The following RHBDF2 variants were observed in gnomAD, a reference collection of about 807,000 sequenced individuals.
The protein encoded by RHBDF2 is inactive rhomboid protein 2.
Under a neutral mutation model 95.2 loss-of-function variants are expected in RHBDF2, and 38 were observed. The observed-to-expected ratio is 0.40, with a 90% CI of 0.31 to 0.52. The LOEUF is 0.52. RHBDF2 is among the 20% of genes least tolerant of loss of function. The probability of loss-of-function intolerance (pLI) is 0.56; values close to 1 mark genes in which losing one functional copy is unlikely to be tolerated. For synonymous variants in RHBDF2, 442 were observed against 462.0 expected (o/e 0.96, Z 0.55); for missense variants, 863 against 1,137.7 (o/e 0.76, Z 3.47).
In RHBDF2 at chr17:76,475,176, C is replaced by T. The variant is rs62085019; in HGVS notation, c.1116-35G>A. ...GACACCTCGGGTCAGCTGAGCCGAG[C>T]TCCTATCCCAACCCCCAGTCCCGGC... On this transcript the variant is annotated intron_variant, in intron 9 of 18. Transcript: ENST00000675367. 2,516 of 1,473,512 alleles carry T rather than the reference C, an allele frequency of 1.7e-3. 2 individuals carry two copies. The highest frequency in any genetic ancestry group is 2.2e-3 in the Non-Finnish European group (2,367 of 1,073,526). The allele number at this position is 1,473,512 out of a possible 1,614,324, so 91.3% of individuals were successfully genotyped here. A position where few individuals can be genotyped will look rare whatever the true frequency, so the allele number is the denominator to read the frequency against.
At position 76,477,172 on chromosome 17, in the gene RHBDF2, G is replaced by A; in HGVS notation, c.920+8C>T. ...GGCCTGGAGGAGGGACTCTGCCCCA[G>A]CACTCACAGAGGGATTTGCACCCCA... On this transcript the variant is annotated splice_region_variant and intron_variant, in intron 8 of 18. Transcript: ENST00000675367. The A allele has an allele frequency of 6.2e-7, 1 of 1,611,826 alleles. No individual in the cohort carries two copies. Among genetic ancestry groups the A allele is most frequent in the Non-Finnish European group, 8.5e-7 (1 of 1,179,272 alleles).
At position 76,475,114 on chromosome 17, in the gene RHBDF2, G is replaced by C. The variant is rs530094611; in HGVS notation, c.1143C>G (p.Phe381Leu). 6.3e-7 allele frequency: 1 copy of C among 1,598,340 alleles called. No homozygotes were observed. The highest frequency in any genetic ancestry group is 8.5e-7 in the Non-Finnish European group (1 of 1,173,504). ...HRPYFTYWLT[F>L]VHVIITLLVI... ...CCAGCAGCGTGATGATGACATGGAC[G>C]AAGGTCAGCCAGTAGGTGAAGTAGG... The change falls in exon 10 of 19, where the codon TTC becomes TTG. Residue 381 changes from phenylalanine (F) to leucine (L), a missense_variant. Phe to Leu is a conservative substitution (Grantham distance 22). Coordinates refer to ENST00000675367, the MANE Select transcript of RHBDF2 (RefSeq NM_001005498.4).
At chr17:76,494,796 G>A (rs2074392991) in intron 1 of RHBDF2, among the ~76,000 whole-genome samples, 1 of 152,158 alleles carries the variant, frequency 6.6e-6, no homozygotes, top group South Asian at 2.1e-4. Flanking sequence ...GATGGAGGCA[G>A]GCAAGTGGCA....
In RHBDF2 at chr17:76,477,325, T is replaced by C. The variant is rs545565496; in HGVS notation, c.802-27A>G. The stretch of plus-strand genomic sequence containing the variant: ...TGGGGTGGGGGACAAGAAAATACAG[T>C]GTAAGGAGTCTGTCCCAAACACTGC... On this transcript the variant is annotated intron_variant, in intron 7 of 18. Coordinates refer to ENST00000675367, the MANE Select transcript of RHBDF2 (RefSeq NM_001005498.4). 9.6e-5 allele frequency: 154 copies of C among 1,607,216 alleles called. 1 individual carries two copies. The East Asian group carries it at 1.4e-3, about 14-fold the overall frequency.
intron 2 of RHBDF2, among the ~76,000 whole-genome samples, chr17:76,483,213 C>T (rs1283120179): frequency 6.6e-6 from 1 of 152,178 alleles, no homozygotes; most frequent in African/African-American, 2.4e-5. Flanking sequence ...CCAAGCCCAG[C>T]CCACACTCTA....
chr17:76,498,151 T>C (rs977901074), intron 1 of RHBDF2, among the ~76,000 whole-genome samples: 9 of 152,016 alleles, frequency 5.9e-5, no homozygotes, highest in African/African-American at 2.2e-4. Flanking sequence ...AGGCTTGGTT[T>C]CCCTGTGAAG....
chr17:76,471,973 C>T lies in RHBDF2; in HGVS notation c.2144G>A (p.Arg715Lys). ...GAGGTTGAGGAAGGCCTTCCAGGGC[C>T]TCTCCAGCAGCGGCCAGCTCTGGAA... ...ELFQSWPLLE[R>K]PWKAFLNLSA... is the part of the protein sequence containing the mutation. Residue 715 changes from arginine to lysine, a missense_variant, in exon 19 of 19, where the codon AGG becomes AAG. By Grantham distance (26) the Arg-to-Lys change is conservative. Transcript: ENST00000675367. 7 of 1,573,914 alleles carry T rather than the reference C, an allele frequency of 4.4e-6. No homozygotes were observed. Among genetic ancestry groups the T allele is most frequent in the Non-Finnish European group, 6.0e-6 (7 of 1,159,512 alleles).
At chr17:76,474,224 A>G in intron 12 of RHBDF2, 82 bp from the exon 13 acceptor site, 1 of 1,330,530 alleles carries the variant, frequency 7.5e-7, no homozygotes, top group African/African-American at 1.4e-5. Flanking sequence ...GGCTTTTCCC[A>G]TCTCCCCAGG....
intron 6 of RHBDF2, among the ~76,000 whole-genome samples, 156 bp from the exon 7 acceptor site, chr17:76,477,941 G>A (rs1006857554): frequency 6.6e-6 from 1 of 152,192 alleles, no homozygotes; most frequent in African/African-American, 2.4e-5. Context: ...AAGCTGAACG[G>A]GCAAGAGGAG....
chr17:76,476,204 TG>T (rs1444902946), intron 9 of RHBDF2: 1 of 152,234 alleles, frequency 6.6e-6, no homozygotes, highest in African/African-American at 2.4e-5. Flanking sequence ...CACCGCGCCC[TG>T]CCTGCTTGTT....
chr17:76,471,818 T>A lies in RHBDF2; in HGVS notation c.2299A>T (p.Ser767Cys), dbSNP rs2073575184. 6.2e-7 allele frequency: 1 copy of A among 1,600,792 alleles called. No individual in the cohort carries two copies. The highest frequency in any genetic ancestry group is 8.5e-7 in the Non-Finnish European group (1 of 1,173,740). ...AFLPYITFGT[S>C]DKYRKRALIL... is the part of the protein sequence containing the mutation. ...AGTGCCCGCTTGCGGTACTTGTCGC[T>A]GGTGCCGAAGGTGATGTAGGGCAGG... is the stretch of plus-strand genomic sequence containing the variant. The change falls in exon 19 of 19, where the codon AGC (serine) becomes TGC (cysteine). Residue 767 changes from serine to cysteine, a missense_variant. Around this residue, in one of 2 missense-constraint regions of RHBDF2, gnomAD observed 252 missense variants for 412.2 expected, o/e 0.61. Coordinates refer to ENST00000675367, the MANE Select transcript of RHBDF2 (RefSeq NM_001005498.4).
intron 3 of RHBDF2, 95 bp from the exon 4 acceptor site, chr17:76,479,949 C>A: frequency 6.5e-7 from 1 of 1,544,822 alleles, no homozygotes; most frequent in Non-Finnish European, 8.7e-7. Flanking sequence ...ACCCTGAGAA[C>A]AAACTTCAAC....
rs920747985 is a variant in RHBDF2 at position 76,485,182 on chromosome 17, C to T, written c.-22+2530G>A. On this transcript the variant is annotated intron_variant, in intron 2 of 18. Coordinates refer to ENST00000675367, the MANE Select transcript of RHBDF2 (RefSeq NM_001005498.4). ...CAGCATTTTGGGAGGCCGAGGCGGG[C>T]GGATCACCTGAGGTCGGGAGTTCGA... is the stretch of plus-strand genomic sequence containing the variant. Among the ~76,000 whole-genome samples, 21 of 151,982 alleles carry T rather than the reference C, an allele frequency of 1.4e-4. 1 individual carries two copies. The highest frequency in any genetic ancestry group is 4.4e-5 in the Non-Finnish European group (3 of 67,966).
At chr17:76,495,142 G>A (rs1007947753) in intron 1 of RHBDF2, among the ~76,000 whole-genome samples, 2 of 152,202 alleles carry the variant, frequency 1.3e-5, no homozygotes, top group Admixed American at 6.5e-5. Flanking sequence ...TCTGCATCCC[G>A]GCAGCCGGGT....
At chr17:76,472,297 G>A (rs1054211382) in intron 18 of RHBDF2, 5 of 597,378 alleles carry the variant, frequency 8.4e-6, no homozygotes, top group Non-Finnish European at 1.2e-5. Context: ...AAGCAAGACA[G>A]ACAAGCCTGT....
At position 76,486,952 on chromosome 17, in the gene RHBDF2, CTTTTT is replaced by C. The variant is rs34202592; in HGVS notation, c.-22+755_-22+759del. Among the ~76,000 whole-genome samples the C allele has an allele frequency of 3.9e-4, 28 of 72,622 alleles. 1 individual carries two copies. The South Asian group carries it at 0.016, about 42-fold the overall frequency. The allele number at this position is 72,622 out of a possible 152,430, so 47.6% of individuals were successfully genotyped here. On this transcript the variant is annotated intron_variant, in intron 2 of 18. Transcript: ENST00000675367. ...GTGCCGGTCCCACCTCGCTTCCTGC[CTTTTT>C]TTTTTTTTTTTTTTTTTTGAGACTG...
At chr17:76,497,272 G>A (rs1318011242) in intron 1 of RHBDF2, among the ~76,000 whole-genome samples, 1 of 152,152 alleles carries the variant, frequency 6.6e-6, no homozygotes, top group Non-Finnish European at 1.5e-5. Flanking sequence ...GCCAGGGAAA[G>A]CACAGCTGAG....
At chr17:76,488,776 A>C (rs1012460356) in intron 1 of RHBDF2, among the ~76,000 whole-genome samples, 2 of 152,048 alleles carry the variant, frequency 1.3e-5, no homozygotes, top group African/African-American at 4.8e-5. Context: ...GTGAAACCCC[A>C]TCTCTACTAA....
Position 76,476,816 on chromosome 17 carries a change from G to C in RHBDF2, c.1115+14C>G, listed in dbSNP as rs780135911. On this transcript the variant is annotated intron_variant, in intron 9 of 18. Coordinates refer to ENST00000675367, the MANE Select transcript of RHBDF2 (RefSeq NM_001005498.4). ...CTTCCAGGCTCTCCTGGGGGCTCCAGGGCGACACCTCACCGGTGGCTGTCG... is the reference window on the plus strand; with the variant it reads ...CTTCCAGGCTCTCCTGGGGGCTCCACGGCGACACCTCACCGGTGGCTGTCG... 1.3e-6 allele frequency: 2 copies of C among 1,582,728 alleles called. No homozygotes were observed. Among genetic ancestry groups the C allele is most frequent in the African/African-American group, 1.3e-5 (1 of 74,716 alleles).
Sources: gnomAD v4.1 joint callset for allele counts (sites outside exome capture counted in the v4.1 genomes callset) on GRCh38, gnomAD v4.1.1 for gene constraint, gnomAD v4.1.1 regional missense constraint, MANE v1.5 for transcripts, NCBI Gene and HGNC (gene_info 2026-07-23, HGNC 2026-07-21) for gene names.